Variants in FAM184A observed in about 807,000 individuals in gnomAD.
The protein encoded by FAM184A is protein FAM184A.
A neutral mutation model predicts 143.8 loss-of-function variants in FAM184A; 99 were observed. The ratio of observed to expected loss-of-function variants is 0.69; its 90% CI spans 0.58 to 0.81. The LOEUF (loss-of-function observed/expected upper bound fraction) is 0.81, where lower values mean the gene tolerates loss of function less well. Among genes scored for constraint, FAM184A ranks in the 40% least tolerant of loss-of-function variants. The probability of loss-of-function intolerance (pLI) is 0.00; values close to 1 mark genes in which losing one functional copy is unlikely to be tolerated. For synonymous variants in FAM184A, 427 were observed against 446.4 expected, an observed-to-expected ratio of 0.96 and a Z score of 0.55; for missense variants, 1,217 against 1,310.5, an observed-to-expected ratio of 0.93 and a Z score of 1.10.
chr6:119,005,830 G>T, intron 7 of FAM184A: 1 of 428,670 alleles, frequency 2.3e-6, no homozygotes, highest in Non-Finnish European at 4.2e-6. Context: ...CTTCATAAGA[G>T]TGGAAGAAAA....
At chr6:118,962,048 A>G (rs1000209576) in intron 16 of FAM184A, 85 bp from the exon 17 acceptor site, 18 of 1,413,168 alleles carry the variant, frequency 1.3e-5, no homozygotes, top group Admixed American at 5.3e-5. Flanking sequence ...GAAATTTGGC[A>G]TGGGAAAATT....
At chr6:119,113,272 A>C (rs900802879) in intron 1 of FAM184A, among the ~76,000 whole-genome samples, 1 of 152,130 alleles carries the variant, frequency 6.6e-6, no homozygotes, top group Admixed American at 6.5e-5. Context: ...CGCTTGCTCA[A>C]CCTGCCTCCT....
At chr6:119,014,724 A>G (rs183336234) in intron 5 of FAM184A, among the ~76,000 whole-genome samples, 44 of 152,338 alleles carry the variant, frequency 2.9e-4, no homozygotes, top group Admixed American at 1.7e-3. Flanking sequence ...TACTCTTTGA[A>G]CCATGACTTC....
intron 6 of FAM184A, among the ~76,000 whole-genome samples, chr6:119,008,026 T>C (rs1784978783): frequency 6.6e-6 from 1 of 151,878 alleles, no homozygotes; most frequent in Non-Finnish European, 1.5e-5. Context: ...AGAGATAGAA[T>C]ATTTAAATAG....
intron 16 of FAM184A, chr6:118,962,549 C>CAGAT (rs1783366234): frequency 6.5e-6 from 1 of 152,720 alleles, no homozygotes; most frequent in Non-Finnish European, 1.5e-5. Flanking sequence ...TTCACTGTGA[C>CAGAT]ATCTATCTTT....
intron 9 of FAM184A, among the ~76,000 whole-genome samples, chr6:118,999,292 T>C (rs1442123840): frequency 6.6e-6 from 1 of 152,186 alleles, no homozygotes; most frequent in African/African-American, 2.4e-5. Context: ...TCATTCTTAC[T>C]TCAATATAAA....
rs1785554620 is a variant in FAM184A, at chr6:119,024,287, G to A, written c.686C>T (p.Ser229Phe). ...AEELHRMEVESLNKMLEELRL... is the reference protein window; with the variant it reads ...AEELHRMEVEFLNKMLEELRL... ...TAGCTCCTCAAGCATTTTGTTTAGG[G>A]ACTCCACCTCCATTCTGTGTAGTTC... is the stretch of plus-strand genomic sequence containing the variant. The change falls in exon 2 of 18, where the codon TCC becomes TTC. Residue 229 changes from serine (S) to phenylalanine (F), a missense_variant. Transcript: ENST00000338891. 1 of 1,614,068 alleles carries A rather than the reference G, an allele frequency of 6.2e-7. No individual in the cohort carries two copies. The highest frequency in any genetic ancestry group is 1.7e-5 in the Admixed American group (1 of 60,002).
chr6:118,997,696 A>AG lies in FAM184A; in HGVS notation c.2088+5202dup, dbSNP rs1491272810. On this transcript the variant is annotated intron_variant, in intron 9 of 17. Transcript: ENST00000338891. ...GGGTGACACAGCAAGACTCCATCTC[A>AG]GGGGAAAAAAAAAACAAAAACAACA... Among the ~76,000 whole-genome samples the AG allele has an allele frequency of 3.6e-4, 54 of 151,514 alleles. No homozygotes were observed. The East Asian group carries it at 9.6e-3, about 27-fold the overall frequency.
Position 118,960,058 on chromosome 6 carries a change from T to C in FAM184A, c.*45A>G, listed in dbSNP as rs1192814182. 5 of 1,467,748 alleles carry C rather than the reference T, an allele frequency of 3.4e-6. No homozygotes were observed. The South Asian group carries it at 5.9e-5, about 17-fold the overall frequency. The allele number at this position is 1,467,748 out of a possible 1,614,324, so 90.9% of individuals were successfully genotyped here. A position where few individuals can be genotyped will look rare whatever the true frequency, so the allele number is the denominator to read the frequency against. On this transcript the variant is annotated 3_prime_UTR_variant, in exon 18 of 18. Transcript: ENST00000338891. ...TTACATAACAATCTGTATAAAGTCA[T>C]GCTCTTAGTAACAGTCTATACAGAG... is the stretch of plus-strand genomic sequence containing the variant.
intron 9 of FAM184A, among the ~76,000 whole-genome samples, chr6:118,984,043 G>A (rs984905927): frequency 3.3e-4 from 49 of 149,548 alleles, no homozygotes; most frequent in Middle Eastern, 3.4e-3. Flanking sequence ...CCAGCTACTC[G>A]GGAGGCTGAG....
chr6:118,965,924 TGCA>T (rs1783489357), intron 15 of FAM184A, among the ~76,000 whole-genome samples: 1 of 152,184 alleles, frequency 6.6e-6, no homozygotes, highest in African/African-American at 2.4e-5. Context: ...TGCTACCAGA[TGCA>T]GCAATCTATA....
At chr6:119,032,513 A>C in intron 1 of FAM184A, among the ~76,000 whole-genome samples, 1 of 140,682 alleles carries the variant, frequency 7.1e-6, no homozygotes, top group African/African-American at 2.7e-5. Flanking sequence ...GGGAAGAGGG[A>C]GAGGAAGAGG....
At chr6:119,091,965 G>A (rs1301791932) in intron 1 of FAM184A, among the ~76,000 whole-genome samples, 2 of 152,180 alleles carry the variant, frequency 1.3e-5, no homozygotes, top group African/African-American at 4.8e-5. Context: ...TAGCATTGGA[G>A]TGCCAAGAAT....
intron 1 of FAM184A, among the ~76,000 whole-genome samples, chr6:119,130,660 G>C (rs1789511527): frequency 6.6e-6 from 1 of 152,128 alleles, no homozygotes; most frequent in Non-Finnish European, 1.5e-5. Flanking sequence ...CTGCACTTTG[G>C]AAATTTACAA....
chr6:119,033,422 T>C (rs1785965453), intron 1 of FAM184A, among the ~76,000 whole-genome samples: 2 of 152,008 alleles, frequency 1.3e-5, no homozygotes, highest in Admixed American at 1.3e-4. Context: ...TTCCAGCACT[T>C]TGGGAGGCCA....
At chr6:119,022,860 G>C in intron 3 of FAM184A, 85 bp downstream of exon 3, 2 of 1,549,882 alleles carry the variant, frequency 1.3e-6, no homozygotes, top group Non-Finnish European at 8.8e-7. Context: ...CTGGGCGACA[G>C]AGCAAGACTC....
intron 1 of FAM184A, among the ~76,000 whole-genome samples, chr6:119,071,839 T>C (rs902290196): frequency 6.6e-5 from 10 of 150,522 alleles, no homozygotes; most frequent in African/African-American, 2.2e-4. Flanking sequence ...CTGGTCACAG[T>C]CTAAAGTCTA....
At chr6:119,093,020 C>T (rs759547070) in intron 1 of FAM184A, among the ~76,000 whole-genome samples, 15 of 152,040 alleles carry the variant, frequency 9.9e-5, no homozygotes, top group Non-Finnish European at 1.5e-4. Flanking sequence ...ATCTGGCCTT[C>T]GATGTTTAAG....
intron 1 of FAM184A, among the ~76,000 whole-genome samples, chr6:119,026,446 AG>A (rs1785637609): frequency 6.6e-6 from 1 of 152,116 alleles, no homozygotes. Context: ...AAAGACTGAA[AG>A]GATCTGTGAT....
Sources: allele counts gnomAD v4.1 joint callset (sites outside exome capture counted in the v4.1 genomes callset), GRCh38; gene constraint gnomAD v4.1.1; transcripts MANE v1.5; gene names NCBI Gene and HGNC (gene_info 2026-07-23, HGNC 2026-07-21).